The following YAF2 variants were observed in gnomAD, a reference collection of about 807,000 sequenced individuals.
YAF2 encodes YY1 associated factor 2.
A neutral mutation model predicts 20.1 loss-of-function variants in YAF2; 7 were observed. The ratio of observed to expected loss-of-function variants is 0.35; its 90% CI spans 0.20 to 0.65. The LOEUF (loss-of-function observed/expected upper bound fraction) is 0.65, where lower values mean the gene tolerates loss of function less well. Ranked by LOEUF, YAF2 falls within the 30% of genes least tolerant of loss-of-function variation. The probability of loss-of-function intolerance (pLI) is 0.69; values close to 1 mark genes in which losing one functional copy is unlikely to be tolerated. For synonymous variants in YAF2, 74 were observed against 76.0 expected, an observed-to-expected ratio of 0.97 and a Z score of 0.14; for missense variants, 151 against 219.2, an observed-to-expected ratio of 0.69 and a Z score of 1.96.
intron 2 of YAF2, among the ~76,000 whole-genome samples, chr12:42,228,474 T>TG (rs71084626): frequency 1.2e-3 from 8 of 6,502 alleles, no homozygotes; most frequent in East Asian, 8.2e-3. Flanking sequence ...GGGAGGGAGG[T>TG]GGGGGGGGGG....
chr12:42,157,684 T>C lies in YAF2; in HGVS notation c.*2905A>G, dbSNP rs2065731633. Reference sequence around the variant, plus strand: ...TATCCACTATCATTTTAGGAAAGCATTTAATAAAAATAAAACCTTTATTTC... The same window carrying C: ...TATCCACTATCATTTTAGGAAAGCACTTAATAAAAATAAAACCTTTATTTC... On this transcript the variant is annotated 3_prime_UTR_variant, in exon 4 of 4. Coordinates refer to ENST00000534854, the MANE Select transcript of YAF2 (RefSeq NM_005748.6). 2 of 152,232 alleles carry C rather than the reference T, an allele frequency of 1.3e-5. No individual in the cohort carries two copies. Among genetic ancestry groups the C allele is most frequent in the South Asian group, 2.1e-4 (1 of 4,830 alleles). The allele number at this position is 152,232 out of a possible 1,614,324, so 9.4% of individuals were successfully genotyped here.
chr12:42,237,525 G>T, intron 2 of YAF2, 74 bp downstream of exon 2: 2 of 1,408,948 alleles, frequency 1.4e-6, no homozygotes, highest in Non-Finnish European at 1.9e-6. Flanking sequence ...CATGGGAGGG[G>T]GCGGCAGCCG....
Position 42,238,188 on chromosome 12 carries a change from C to T in YAF2, c.-8G>A, listed in dbSNP as rs912621828. On this transcript the variant is annotated 5_prime_UTR_variant, in exon 1 of 4. Coordinates refer to ENST00000534854, the MANE Select transcript of YAF2 (RefSeq NM_005748.6). ...GCTCTTCTTGTCTCCCATGGCTTGG[C>T]TATCACCGCACGCCGAGAGTCGCCG... 24 of 1,523,916 alleles carry T rather than the reference C, an allele frequency of 1.6e-5. No individual in the cohort carries two copies. In the Admixed American group the frequency reaches 2.1e-4, roughly 13 times the overall value. The allele number at this position is 1,523,916 out of a possible 1,614,324, so 94.4% of individuals were successfully genotyped here.
At chr12:42,195,494 G>A (rs183857383) in intron 2 of YAF2, among the ~76,000 whole-genome samples, 16 of 152,282 alleles carry the variant, frequency 1.1e-4, no homozygotes, top group Non-Finnish European at 2.4e-4. Flanking sequence ...TATCTTGTAA[G>A]GGACAGTCCC....
At chr12:42,161,344 A>AAAAAC (rs563564093) in intron 3 of YAF2, 61 of 306,290 alleles carry the variant, frequency 2.0e-4, no homozygotes, top group South Asian at 1.6e-3. Flanking sequence ...TTCTTAAGGG[A>AAAAAC]AAAACAAAAC....
At chr12:42,167,287 C>T (rs2065938367) in intron 2 of YAF2, among the ~76,000 whole-genome samples, 1 of 151,990 alleles carries the variant, frequency 6.6e-6, no homozygotes, top group Non-Finnish European at 1.5e-5. Flanking sequence ...GCACATGTAT[C>T]CCAGAACTTA....
At chr12:42,233,143 G>A (rs888221920) in intron 2 of YAF2, 1 of 985,210 alleles carries the variant, frequency 1.0e-6, no homozygotes, top group Non-Finnish European at 1.2e-6. Flanking sequence ...ATGAACCCAG[G>A]TTACCAAAAT....
chr12:42,228,408 C>G, intron 2 of YAF2, among the ~76,000 whole-genome samples: 1 of 66,332 alleles, frequency 1.5e-5, no homozygotes, highest in South Asian at 7.4e-4. Context: ...GGCCAGCCGC[C>G]CCGTCCGGGA....
intron 2 of YAF2, among the ~76,000 whole-genome samples, chr12:42,226,536 C>A (rs2067703723): frequency 1.3e-5 from 2 of 152,184 alleles, no homozygotes; most frequent in African/African-American, 4.8e-5. Flanking sequence ...TAGTGGCACA[C>A]CCCTGTAGTC....
chr12:42,201,465 A>AT (rs1441882556), intron 2 of YAF2, among the ~76,000 whole-genome samples: 1 of 152,130 alleles, frequency 6.6e-6, no homozygotes, highest in Non-Finnish European at 1.5e-5. Flanking sequence ...TATGTGTATC[A>AT]TCTTATTCTT....
At chr12:42,203,166 C>G (rs1035689900) in intron 2 of YAF2, among the ~76,000 whole-genome samples, 29 of 151,672 alleles carry the variant, frequency 1.9e-4, no homozygotes, top group Admixed American at 1.3e-3. Flanking sequence ...ATTTTAACTT[C>G]CCACCCAAAA....
At chr12:42,199,049 TAA>T in intron 2 of YAF2, 1 of 673,548 alleles carries the variant, frequency 1.5e-6, no homozygotes. Flanking sequence ...TTGTTGAATT[TAA>T]TATTGTTTGT....
intron 3 of YAF2, 145 bp from the exon 4 acceptor site, chr12:42,160,971 T>C (rs1397366944): frequency 1.6e-6 from 1 of 641,468 alleles, no homozygotes; most frequent in Non-Finnish European, 2.6e-6. Context: ...AAAAACATCA[T>C]AAAATGTTTC....
intron 2 of YAF2, among the ~76,000 whole-genome samples, chr12:42,163,776 A>G (rs796980551): frequency 3.9e-5 from 6 of 152,180 alleles, no homozygotes; most frequent in African/African-American, 1.4e-4. Flanking sequence ...TCTAGGAGCT[A>G]AAGAGCTTTC....
chr12:42,171,151 C>A (rs1038412646), intron 2 of YAF2, among the ~76,000 whole-genome samples: 2 of 152,012 alleles, frequency 1.3e-5, no homozygotes, highest in African/African-American at 4.8e-5. Flanking sequence ...TGCCACCATA[C>A]CTGGCTAATT....
chr12:42,201,167 A>AT (rs2066888611), intron 2 of YAF2, among the ~76,000 whole-genome samples: 1 of 152,118 alleles, frequency 6.6e-6, no homozygotes, highest in African/African-American at 2.4e-5. Flanking sequence ...CATTTAGATT[A>AT]TTTTTTCCAA....
intron 2 of YAF2, among the ~76,000 whole-genome samples, chr12:42,196,227 GA>G (rs34267272): frequency 0.18 from 13,154 of 74,342 alleles, 572 homozygotes; most frequent in South Asian, 0.22. Flanking sequence ...AATCCATCTG[GA>G]AAAAAAAAAA....
intron 2 of YAF2, chr12:42,210,631 A>T: frequency 6.5e-7 from 1 of 1,536,008 alleles, no homozygotes. Context: ...TGTGGAGATT[A>T]CCCAATAGGA....
intron 2 of YAF2, chr12:42,210,246 G>A (rs1405766023): frequency 1.8e-6 from 1 of 550,228 alleles, no homozygotes; most frequent in Admixed American, 3.1e-5. Context: ...TGTACAAAAA[G>A]AAGCTATCCC....
Sources: allele counts gnomAD v4.1 joint callset (sites outside exome capture counted in the v4.1 genomes callset), GRCh38; gene constraint gnomAD v4.1.1; transcripts MANE v1.5; gene names NCBI Gene and HGNC (gene_info 2026-07-23, HGNC 2026-07-21).